Variants in MAB21L3 observed in about 807,000 individuals in gnomAD.
MAB21L3 encodes mab-21 like 3, also known as protein mab-21-like 3.
In MAB21L3, 36 loss-of-function variants were observed where a neutral mutation model predicts 37.7. That is an observed-to-expected ratio of 0.96 (90% CI 0.73 to 1.26). The LOEUF (loss-of-function observed/expected upper bound fraction) is 1.26, where lower values mean the gene tolerates loss of function less well. Among genes scored for constraint, MAB21L3 ranks in the 50% most tolerant of loss-of-function variants. MAB21L3 has a pLI of 0.00. For synonymous variants in MAB21L3, 186 were observed against 176.8 expected (o/e 1.05, Z -0.41); for missense variants, 430 against 447.3 (o/e 0.96, Z 0.35).
intron 4 of MAB21L3, among the ~76,000 whole-genome samples, chr1:116,122,249 C>T (rs1464136135): frequency 6.6e-6 from 1 of 152,176 alleles, no homozygotes; most frequent in Non-Finnish European, 1.5e-5. Flanking sequence ...AAATTAATCC[C>T]AGGGTGAAAA....
At chr1:116,122,130 C>A (rs1659769124) in intron 4 of MAB21L3, among the ~76,000 whole-genome samples, 1 of 152,174 alleles carries the variant, frequency 6.6e-6, no homozygotes. Flanking sequence ...AGAATTAGTA[C>A]CTGAGCAAAA....
At position 116,124,194 on chromosome 1, in the gene MAB21L3, C is replaced by T. The variant is rs776653413; in HGVS notation, c.318C>T (p.Asp106=). The T allele has an allele frequency of 1.2e-6, 2 of 1,614,188 alleles. No individual in the cohort carries two copies. The highest frequency in any genetic ancestry group is 1.7e-6 in the Non-Finnish European group (2 of 1,180,042). Residue 106 remains aspartate (D), a synonymous_variant, in exon 5 of 8, where the codon GAC becomes GAT. Transcript: ENST00000369500. The part of the protein sequence containing the change: ...QGTRLPCPLR[D]PEGLQQWLEV... ...CCAGGCTGCCCTGCCCGTTGCGGGA[C>T]CCTGAGGGTCTGCAGCAGTGGCTGG...
At chr1:116,123,539 A>G (rs946877009) in intron 4 of MAB21L3, among the ~76,000 whole-genome samples, 1 of 152,192 alleles carries the variant, frequency 6.6e-6, no homozygotes, top group African/African-American at 2.4e-5. Flanking sequence ...GTAGAGAAAT[A>G]ATAACTGAAC....
chr1:116,118,309 G>A (rs1659649423), intron 3 of MAB21L3, among the ~76,000 whole-genome samples: 1 of 151,910 alleles, frequency 6.6e-6, no homozygotes, highest in Non-Finnish European at 1.5e-5. Context: ...TTGAACCGAG[G>A]AGGCAGAGTT....
At chr1:116,120,402 T>TACACACAC (rs750221425) in intron 3 of MAB21L3, among the ~76,000 whole-genome samples, 1 of 91,688 alleles carries the variant, frequency 1.1e-5, no homozygotes, top group Admixed American at 9.2e-5. Flanking sequence ...TATTACATTA[T>TACACACAC]ACACACACAC....
intron 3 of MAB21L3, among the ~76,000 whole-genome samples, chr1:116,118,862 A>T (rs1202984810): frequency 6.6e-6 from 1 of 151,952 alleles, no homozygotes; most frequent in African/African-American, 2.4e-5. Flanking sequence ...AGGCCTCCCA[A>T]CCTCCAAACT....
intron 7 of MAB21L3, 106 bp from the exon 8 acceptor site, chr1:116,133,026 A>C: frequency 3.2e-5 from 28 of 878,588 alleles, no homozygotes; most frequent in South Asian, 6.5e-5. Flanking sequence ...TGCCCAGGCA[A>C]CTCTTTTCTC....
At chr1:116,112,277 A>G (rs1570799239) in intron 2 of MAB21L3, 130 bp from the exon 3 acceptor site, 2 of 232,696 alleles carry the variant, frequency 8.6e-6, no homozygotes, top group Admixed American at 5.0e-5. Context: ...GGTGGGAAAT[A>G]CAATTTGGAA....
rs1367884416 is a variant in MAB21L3, at chr1:116,111,730, A to G, written c.-290A>G. The G allele has an allele frequency of 6.6e-6, 1 of 152,070 alleles. No homozygotes were observed. Among genetic ancestry groups the G allele is most frequent in the Non-Finnish European group, 1.5e-5 (1 of 68,018 alleles). 9.4% of individuals were successfully genotyped at this position (152,070 alleles called of 1,614,324 possible). On this transcript the variant is annotated 5_prime_UTR_variant, in exon 2 of 8. Transcript: ENST00000369500. ...CAGACGTGAGTGTTCCCTCGACTCT[A>G]AAGGGACCTGTTTACACTGACTTTA...
At chr1:116,125,510 T>C (rs1477434393) in intron 5 of MAB21L3, among the ~76,000 whole-genome samples, 2 of 152,234 alleles carry the variant, frequency 1.3e-5, no homozygotes, top group Non-Finnish European at 2.9e-5. Context: ...CATATGCCCA[T>C]GCATACATAC....
chr1:116,116,219 A>G (rs1031652595), intron 3 of MAB21L3, among the ~76,000 whole-genome samples: 4 of 152,180 alleles, frequency 2.6e-5, no homozygotes, highest in African/African-American at 4.8e-5. Flanking sequence ...CATGAGGGTG[A>G]CAAGAGGTGT....
At position 116,112,499 on chromosome 1, in the gene MAB21L3, T is replaced by A; in HGVS notation, c.-117T>A. The A allele has an allele frequency of 3.4e-6, 3 of 876,802 alleles. No homozygotes were observed. In the South Asian group the frequency reaches 4.9e-5, roughly 14 times the overall value. 54.3% of individuals were successfully genotyped at this position (876,802 alleles called of 1,614,324 possible). A position where few individuals can be genotyped will look rare whatever the true frequency, so the allele number is the denominator to read the frequency against. On this transcript the variant is annotated 5_prime_UTR_variant, in exon 3 of 8. Transcript: ENST00000369500. ...GTCCATTACACACTTCCAGAAAAAC[T>A]TAGTACCCAGAGACTCACATTACTG...
At chr1:116,123,750 A>T (rs750643122) in intron 4 of MAB21L3, 12 of 256,020 alleles carry the variant, frequency 4.7e-5, no homozygotes, top group Non-Finnish European at 8.2e-5. Flanking sequence ...AACTGAATGC[A>T]TACTCATTCT....
In MAB21L3 at chr1:116,128,273, G is replaced by A. The variant is rs773130552; in HGVS notation, c.789G>A (p.Met263Ile). The A allele has an allele frequency of 1.2e-6, 2 of 1,614,084 alleles. No individual in the cohort carries two copies. The highest frequency in any genetic ancestry group is 1.1e-5 in the South Asian group (1 of 91,066). Residue 263 changes from methionine (M) to isoleucine (I), a missense_variant, in exon 7 of 8, where the codon ATG (methionine) becomes ATA (isoleucine). Physicochemically the swap from Met to Ile is conservative, Grantham distance 10. Coordinates refer to ENST00000369500, the MANE Select transcript of MAB21L3 (RefSeq NM_152367.3). The stretch of plus-strand genomic sequence containing the variant: ...GCCGTAGGAAGTGTTTTCAGGTCAT[G>A]AGGCACCTGAAGGAGGACATCTGGT... ...GGCRRKCFQV[M>I]RHLKEDIWCP...
rs746852373 is a variant in MAB21L3, at chr1:116,133,152, C to G, written c.876C>G (p.Cys292Trp). 6.2e-7 allele frequency: 1 copy of G among 1,614,120 alleles called. No homozygotes were observed. Among genetic ancestry groups the G allele is most frequent in the South Asian group, 1.1e-5 (1 of 91,078 alleles). The change falls in exon 8 of 8, where the codon TGC becomes TGG. Residue 292 changes from cysteine to tryptophan, a missense_variant. Physicochemically the swap from Cys to Trp is radical, Grantham distance 215. Coordinates refer to ENST00000369500, the MANE Select transcript of MAB21L3 (RefSeq NM_152367.3). The stretch of plus-strand genomic sequence containing the variant: ...CACAGACTGTGCTCTTTTGGACCTG[C>G]GAGAAATATCCCCACTTTAAAGACT... ...HHLQTVLFWT[C>W]EKYPHFKDWQ...
rs1249468803 is a variant in MAB21L3 at position 116,134,359 on chromosome 1, G to A, written c.*994G>A. 1 of 152,216 alleles carries A rather than the reference G, an allele frequency of 6.6e-6. No individual in the cohort carries two copies. The highest frequency in any genetic ancestry group is 2.4e-5 in the African/African-American group (1 of 41,432). 9.4% of individuals were successfully genotyped at this position (152,216 alleles called of 1,614,324 possible). On this transcript the variant is annotated 3_prime_UTR_variant, in exon 8 of 8. Transcript: ENST00000369500. Reference sequence around the variant, plus strand: ...CAAAGTGGATGAGGACCTCCCCCTGGGGATGCCACCTAATGGTGGAGACAA... The same window carrying A: ...CAAAGTGGATGAGGACCTCCCCCTGAGGATGCCACCTAATGGTGGAGACAA...
At chr1:116,123,210 G>T (rs927229566) in intron 4 of MAB21L3, among the ~76,000 whole-genome samples, 2 of 152,162 alleles carry the variant, frequency 1.3e-5, no homozygotes, top group Admixed American at 6.5e-5. Context: ...CTCGGCTGCC[G>T]GTCTGCCTGC....
chr1:116,115,724 C>A (rs2101608196), intron 3 of MAB21L3, among the ~76,000 whole-genome samples: 1 of 152,240 alleles, frequency 6.6e-6, no homozygotes, highest in African/African-American at 2.4e-5. Context: ...CCTTAAATCC[C>A]CATAATTTAT....
At chr1:116,121,441 C>T (rs1416822394) in intron 4 of MAB21L3, among the ~76,000 whole-genome samples, 1 of 152,176 alleles carries the variant, frequency 6.6e-6, no homozygotes, top group Non-Finnish European at 1.5e-5. Context: ...TCAGAGAAGT[C>T]AAATGACTTG....
Sources: allele counts gnomAD v4.1 joint callset (sites outside exome capture counted in the v4.1 genomes callset), GRCh38; gene constraint gnomAD v4.1.1; transcripts MANE v1.5; gene names NCBI Gene and HGNC (gene_info 2026-07-23, HGNC 2026-07-21).